The following SNU13 variants were observed in gnomAD, a reference collection of about 807,000 sequenced individuals.
SNU13 encodes the protein NHP2-like protein 1.
A neutral mutation model predicts 12.4 loss-of-function variants in SNU13; 2 were observed. The observed-to-expected ratio is 0.16, with a 90% CI of 0.07 to 0.51. SNU13 has a LOEUF of 0.51. Among genes scored for constraint, SNU13 ranks in the 20% least tolerant of loss-of-function variants. The pLI, the probability that SNU13 is intolerant of heterozygous loss-of-function variation, is 0.96. For missense variants in SNU13, 66 were observed against 157.8 expected (o/e 0.42, Z 3.12); for synonymous variants, 68 against 66.5 (o/e 1.02, Z -0.11).
In SNU13 at chr22:41,674,859, A is replaced by G. The variant is rs72550745; in HGVS notation, c.*74T>C. 3,851 of 1,538,958 alleles carry G rather than the reference A, an allele frequency of 2.5e-3. 78 individuals carry two copies. The African/African-American group carries it at 0.045, about 18-fold the overall frequency. On this transcript the variant is annotated 3_prime_UTR_variant, in exon 3 of 3. Transcript: ENST00000401959. ...AATAGAGAGTAGCTGAAAATACTACATGCTAACACAGATAATATGATACAC... is the reference window on the plus strand; with the variant it reads ...AATAGAGAGTAGCTGAAAATACTACGTGCTAACACAGATAATATGATACAC...
upstream of SNU13, chr22:41,689,179 T>C (rs1202563399): frequency 1.3e-6 from 1 of 791,992 alleles, no homozygotes; most frequent in African/African-American, 1.9e-5. Flanking sequence ...CTGGCCAACA[T>C]GGCGAAACCT....
chr22:41,682,385 G>A (rs761224729), intron 1 of SNU13: 6 of 1,613,902 alleles, frequency 3.7e-6, no homozygotes, highest in East Asian at 2.2e-5. Flanking sequence ...GTCTCTTGCC[G>A]GACACCGCGA....
chr22:41,676,456 C>A (rs550380944), intron 2 of SNU13, among the ~76,000 whole-genome samples: 6 of 152,132 alleles, frequency 3.9e-5, no homozygotes, highest in South Asian at 2.1e-4. Context: ...TTACTTTTAT[C>A]ATCTATAAAA....
intron 1 of SNU13, chr22:41,682,711 C>T: frequency 2.1e-6 from 1 of 473,920 alleles, no homozygotes; most frequent in Admixed American, 4.4e-5. Context: ...GACGGAGTCT[C>T]CCTCTGTCGC....
intron 1 of SNU13, chr22:41,682,229 G>C: frequency 2.0e-6 from 2 of 1,006,356 alleles, no homozygotes; most frequent in East Asian, 2.5e-5. Context: ...TCTCCTGCCC[G>C]ACACCGCGCA....
At chr22:41,686,471 AT>A (rs1371672420) in intron 1 of SNU13, among the ~76,000 whole-genome samples, 1 of 150,922 alleles carries the variant, frequency 6.6e-6, no homozygotes, top group Non-Finnish European at 1.5e-5. Flanking sequence ...CGCCCAGCTA[AT>A]TTTTGTATTT....
At chr22:41,682,584 AC>A in intron 1 of SNU13, 2 of 1,440,318 alleles carry the variant, frequency 1.4e-6, no homozygotes, top group Non-Finnish European at 1.8e-6. Context: ...TGGTCCCAGG[AC>A]AACTAGGAAG....
At chr22:41,689,197 A>G (rs1049675173), upstream of SNU13, 113 of 655,472 alleles carry the variant, frequency 1.7e-4, no homozygotes, top group Non-Finnish European at 2.1e-4. Flanking sequence ...CCTCGTCCCT[A>G]CTAAAAAATA....
chr22:41,690,465 C>T, upstream of SNU13: 1 of 731,806 alleles, frequency 1.4e-6, no homozygotes, highest in Non-Finnish European at 2.5e-6. Context: ...CCAGGCCTGG[C>T]ACCAGGGTCA....
chr22:41,689,349 C>T (rs1267552359), upstream of SNU13: 2 of 120,418 alleles, frequency 1.7e-5, no homozygotes, highest in Non-Finnish European at 3.2e-5. Context: ...CCAGCTGAGG[C>T]GACAGAGCGA....
intron 1 of SNU13, chr22:41,687,643 T>C (rs2068322038): frequency 6.6e-6 from 1 of 152,236 alleles, no homozygotes. Flanking sequence ...CTACCTAGCA[T>C]GATCAGTTTG....
At chr22:41,682,545 G>T (rs1174562907) in intron 1 of SNU13, 1 of 1,483,070 alleles carries the variant, frequency 6.7e-7, no homozygotes, top group African/African-American at 1.4e-5. Flanking sequence ...TGTCTTCTAC[G>T]TAACTCCTTA....
At chr22:41,687,760 T>G (rs1229589911) in intron 1 of SNU13, 3 of 152,242 alleles carry the variant, frequency 2.0e-5, no homozygotes, top group African/African-American at 7.2e-5. Context: ...TACCATGCTT[T>G]ATTTCATTTG....
intron 1 of SNU13, chr22:41,682,552 C>CT (rs2068274332): frequency 6.8e-7 from 1 of 1,465,548 alleles, no homozygotes; most frequent in African/African-American, 1.4e-5. Context: ...TACGTAACTC[C>CT]TTATCTTAGG....
At chr22:41,678,776 G>A (rs2068236210) in intron 2 of SNU13, among the ~76,000 whole-genome samples, 2 of 152,178 alleles carry the variant, frequency 1.3e-5, no homozygotes, top group African/African-American at 4.8e-5. Context: ...GACGAGCAGG[G>A]AGGAAAGAGC....
Position 41,680,227 on chromosome 22 carries a change from T to A in SNU13, c.124+17A>T. ...GTGCCTTTAACATTCCCCCAGAGCA[T>A]CCTGTGGCTGCCTTACCCTCATTGG... On this transcript the variant is annotated intron_variant, in intron 2 of 2. Coordinates refer to ENST00000401959, the MANE Select transcript of SNU13 (RefSeq NM_001003796.2). The A allele has an allele frequency of 6.2e-7, 1 of 1,607,478 alleles. No individual in the cohort carries two copies. The highest frequency in any genetic ancestry group is 8.5e-7 in the Non-Finnish European group (1 of 1,175,584).
upstream of SNU13, chr22:41,688,986 G>A (rs2068337844): frequency 7.5e-7 from 1 of 1,328,526 alleles, no homozygotes; most frequent in South Asian, 2.0e-5. Flanking sequence ...CTGGCCCTGT[G>A]TCGAAGAAGG....
intron 1 of SNU13, among the ~76,000 whole-genome samples, 168 bp from the exon 2 acceptor site, chr22:41,680,532 C>T (rs557020176): frequency 5.9e-5 from 9 of 151,704 alleles, no homozygotes; most frequent in Admixed American, 2.6e-4. Context: ...CTCCTACCTT[C>T]GAAAAAAAGG....
intron 2 of SNU13, among the ~76,000 whole-genome samples, chr22:41,679,327 C>T (rs1484062627): frequency 6.6e-6 from 1 of 152,162 alleles, no homozygotes; most frequent in East Asian, 1.9e-4. Context: ...GAGGCCAAGG[C>T]AGGTAGATCA....
Sources: allele counts gnomAD v4.1 joint callset (sites outside exome capture counted in the v4.1 genomes callset), GRCh38; gene constraint gnomAD v4.1.1; transcripts MANE v1.5; gene names NCBI Gene and HGNC (gene_info 2026-07-23, HGNC 2026-07-21).